Variants in MSMB observed in about 807,000 individuals in gnomAD.
MSMB encodes the protein microseminoprotein beta.
MSMB carries 10 observed loss-of-function variants against 10.5 expected under a neutral mutation model. That is an observed-to-expected ratio of 0.95 (90% confidence interval 0.59 to 1.62). The LOEUF (loss-of-function observed/expected upper bound fraction) is 1.62. MSMB is among the 40% of genes most tolerant of loss of function. The probability of loss-of-function intolerance (pLI) is 0.00; values close to 1 mark genes in which losing one functional copy is unlikely to be tolerated. For missense variants in MSMB, 126 were observed against 137.4 expected, an observed-to-expected ratio of 0.92 and a Z score of 0.42; for synonymous variants, 43 against 46.5, an observed-to-expected ratio of 0.93 and a Z score of 0.30.
Position 46,046,252 on chromosome 10 carries a change from C to G in MSMB, c.-15G>C. 1 of 1,612,222 alleles carries G rather than the reference C, an allele frequency of 6.2e-7. No individual in the cohort carries two copies. The highest frequency in any genetic ancestry group is 8.5e-7 in the Non-Finnish European group (1 of 1,178,242). ...TTACCTACCATTGTGATAAGCAGGA[C>G]TCCTTATAGACAGGTACATCCAGGC... On this transcript the variant is annotated 5_prime_UTR_variant, in exon 1 of 4. Transcript: ENST00000582163.
intron 3 of MSMB, among the ~76,000 whole-genome samples, chr10:46,034,275 G>A (rs1485390748): frequency 4.6e-5 from 7 of 151,906 alleles, no homozygotes; most frequent in African/African-American, 1.7e-4. Flanking sequence ...ACTACACCCA[G>A]CTAATTTTTA....
intron 3 of MSMB, among the ~76,000 whole-genome samples, chr10:46,034,613 C>T (rs909698792): frequency 5.9e-5 from 9 of 151,754 alleles, no homozygotes; most frequent in Middle Eastern, 3.4e-3. Context: ...ATCACGAGGT[C>T]AGGAGATCGA....
chr10:46,046,153 G>T, intron 1 of MSMB, 82 bp downstream of exon 1: 1 of 1,369,848 alleles, frequency 7.3e-7, no homozygotes, highest in South Asian at 1.2e-5. Flanking sequence ...AATGCTATGT[G>T]GTAGAAGCAC....
intron 3 of MSMB, 31 bp from the exon 4 acceptor site, chr10:46,033,582 G>A: frequency 6.2e-7 from 1 of 1,610,200 alleles, no homozygotes; most frequent in Admixed American, 1.7e-5. Context: ...GGGCCTGTTA[G>A]AAGAGAAAGG....
chr10:46,044,874 C>T (rs1458407983), intron 1 of MSMB, among the ~76,000 whole-genome samples: 1 of 152,176 alleles, frequency 6.6e-6, no homozygotes, highest in African/African-American at 2.4e-5. Context: ...GTATTGCCAG[C>T]TCTGCAGCTT....
chr10:46,040,953 C>CAA (rs555968994), intron 1 of MSMB, among the ~76,000 whole-genome samples: 2 of 117,300 alleles, frequency 1.7e-5, no homozygotes, highest in Non-Finnish European at 1.8e-5. Flanking sequence ...GACTCCGTCT[C>CAA]AAAAAAAAAA....
At chr10:46,033,638 C>T in intron 3 of MSMB, 87 bp from the exon 4 acceptor site, 1 of 1,561,382 alleles carries the variant, frequency 6.4e-7, no homozygotes, top group East Asian at 2.3e-5. Flanking sequence ...CAGGAAGTCA[C>T]CCACACTCCA....
At chr10:46,034,112 T>C (rs1353260613) in intron 3 of MSMB, among the ~76,000 whole-genome samples, 1 of 152,170 alleles carries the variant, frequency 6.6e-6, no homozygotes, top group Non-Finnish European at 1.5e-5. Flanking sequence ...GTATTATTAC[T>C]ATTATTACTT....
chr10:46,043,465 G>A lies in MSMB; in HGVS notation c.3+2770C>T, dbSNP rs1377260650. 2.4e-5 allele frequency among the ~76,000 whole-genome samples: 3 copies of A among 125,724 alleles called. No homozygotes were observed. The Admixed American group carries it at 2.6e-4, about 11-fold the overall frequency. The allele number at this position is 125,724 out of a possible 152,430, so 82.5% of individuals were successfully genotyped here. On this transcript the variant is annotated intron_variant, in intron 1 of 3. Transcript: ENST00000582163. ...TCTCTCTCTCTCTCTCTGAAACTCA[G>A]TTTTCCTTCCCTGTAAAAAGAGGGG...
chr10:46,037,149 T>G (rs1214634415), intron 3 of MSMB, among the ~76,000 whole-genome samples: 1 of 152,210 alleles, frequency 6.6e-6, no homozygotes, highest in East Asian at 1.9e-4. Flanking sequence ...GGTGTTCTGC[T>G]CTAAGTCAAG....
At chr10:46,042,121 T>C (rs990280212) in intron 1 of MSMB, among the ~76,000 whole-genome samples, 2 of 152,328 alleles carry the variant, frequency 1.3e-5, no homozygotes, top group Admixed American at 6.5e-5. Flanking sequence ...TAAATACTTA[T>C]TCTAAGCATA....
chr10:46,044,868 T>C (rs1442335530), intron 1 of MSMB, among the ~76,000 whole-genome samples: 1 of 152,158 alleles, frequency 6.6e-6, no homozygotes, highest in African/African-American at 2.4e-5. Flanking sequence ...GCAGAGGTAT[T>C]GCCAGCTCTG....
intron 3 of MSMB, among the ~76,000 whole-genome samples, chr10:46,038,120 G>A (rs1387325457): frequency 6.6e-6 from 1 of 152,190 alleles, no homozygotes; most frequent in African/African-American, 2.4e-5. Context: ...CTGGGGAGAA[G>A]GGGATGGAGA....
At chr10:46,044,420 CA>C (rs1488461365) in intron 1 of MSMB, among the ~76,000 whole-genome samples, 1 of 148,860 alleles carries the variant, frequency 6.7e-6, no homozygotes. Flanking sequence ...ACTAAAAATA[CA>C]AAAAATTAGC....
intron 3 of MSMB, among the ~76,000 whole-genome samples, chr10:46,038,397 C>T (rs1480845210): frequency 1.3e-5 from 2 of 152,020 alleles, no homozygotes; most frequent in Non-Finnish European, 2.9e-5. Flanking sequence ...ACGCCATTCT[C>T]CTGCCTCAGC....
intron 1 of MSMB, 83 bp downstream of exon 1, chr10:46,046,152 T>C (rs1840891462): frequency 7.4e-7 from 1 of 1,358,188 alleles, no homozygotes; most frequent in Non-Finnish European, 1.1e-6. Flanking sequence ...CAATGCTATG[T>C]GGTAGAAGCA....
At chr10:46,043,023 T>C (rs1252322204) in intron 1 of MSMB, among the ~76,000 whole-genome samples, 2 of 152,256 alleles carry the variant, frequency 1.3e-5, no homozygotes, top group Non-Finnish European at 2.9e-5. Context: ...GCACTTGTTC[T>C]GTTTCATTCT....
At chr10:46,040,157 C>A in intron 1 of MSMB, 66 bp from the exon 2 acceptor site, 1 of 1,398,866 alleles carries the variant, frequency 7.1e-7, no homozygotes. Flanking sequence ...TGACTGAGTG[C>A]TGTGTACCAG....
At position 46,033,505 on chromosome 10, in the gene MSMB, A is replaced by G. The variant is rs1436044011; in HGVS notation, c.262T>C (p.Phe88Leu). ...ATATACTTGCAGTCCTCCTTCTTGA[A>G]GATTCTTTGGCAGTTGTCTTTGTCA... ...GYDKDNCQRI[F>L]KKEDCKYIVV... Residue 88 changes from phenylalanine to leucine, a missense_variant, in exon 4 of 4, where the codon TTC becomes CTC. Transcript: ENST00000582163. The G allele has an allele frequency of 5.0e-6, 8 of 1,613,866 alleles. No homozygotes were observed. The highest frequency in any genetic ancestry group is 6.8e-6 in the Non-Finnish European group (8 of 1,179,784).
Sources: gnomAD v4.1 joint callset for allele counts (sites outside exome capture counted in the v4.1 genomes callset) on GRCh38, gnomAD v4.1.1 for gene constraint, MANE v1.5 for transcripts, NCBI Gene and HGNC (gene_info 2026-07-23, HGNC 2026-07-21) for gene names.